The following CRB1 variants were observed in gnomAD, a reference collection of about 807,000 sequenced individuals.
CRB1 encodes protein crumbs homolog 1.
Under a neutral mutation model 120.0 loss-of-function variants are expected in CRB1, and 83 were observed. The ratio of observed to expected loss-of-function variants is 0.69; its 90% CI spans 0.58 to 0.83. CRB1 has a LOEUF of 0.83. Among genes scored for constraint, CRB1 ranks in the 40% least tolerant of loss-of-function variants. The probability of loss-of-function intolerance (pLI) is 0.00; values close to 1 mark genes in which losing one functional copy is unlikely to be tolerated. For synonymous variants in CRB1, 625 were observed against 612.5 expected (o/e 1.02, Z -0.30); for missense variants, 1,699 against 1,687.6 (o/e 1.01, Z -0.12).
the CRB1 span, among the ~76,000 whole-genome samples, chr1:197,231,439 G>A: frequency 6.6e-6 from 1 of 152,200 alleles, no homozygotes; most frequent in Admixed American, 6.5e-5. Flanking sequence ...CTGGATTCTG[G>A]GAGAGCTGGA....
intron 5 of CRB1, among the ~76,000 whole-genome samples, chr1:197,397,539 T>A (rs987036130): frequency 1.3e-5 from 2 of 152,196 alleles, no homozygotes; most frequent in Non-Finnish European, 2.9e-5. Flanking sequence ...TTACTCATAA[T>A]TTCGAAAACC....
chr1:197,444,204 ACAAAAG>A, intron 11 of CRB1: 2 of 152,364 alleles, frequency 1.3e-5, no homozygotes, highest in East Asian at 3.9e-4. Context: ...GTAATATACT[ACAAAAG>A]CAAAGAAAGT....
chr1:197,335,156 T>C (rs1329185060), intron 2 of CRB1, among the ~76,000 whole-genome samples: 1 of 152,098 alleles, frequency 6.6e-6, no homozygotes, highest in Non-Finnish European at 1.5e-5. Flanking sequence ...TTGCAATGTT[T>C]GAGGAGCAGC....
chr1:197,429,916 C>A (rs949889741), intron 8 of CRB1, among the ~76,000 whole-genome samples: 1 of 152,164 alleles, frequency 6.6e-6, no homozygotes, highest in Admixed American at 6.5e-5. Context: ...TTACTGGGAA[C>A]ACAGAATAAA....
chr1:197,347,234 G>A (rs988928414), intron 3 of CRB1, 106 bp from the exon 4 acceptor site: 110 of 986,554 alleles, frequency 1.1e-4, no homozygotes, highest in Middle Eastern at 2.2e-4. Flanking sequence ...GAGGTAGTAA[G>A]ATGATGCCAT....
intron 2 of CRB1, 145 bp from the exon 3 acceptor site, chr1:197,344,136 T>TA (rs1558067622): frequency 1.2e-5 from 10 of 824,994 alleles, no homozygotes; most frequent in Non-Finnish European, 2.0e-5. Flanking sequence ...CAAAAGTTAA[T>TA]ATCAATTACA....
At chr1:197,215,963 T>C in the CRB1 span, among the ~76,000 whole-genome samples, 1 of 152,222 alleles carries the variant, frequency 6.6e-6, no homozygotes, top group Non-Finnish European at 1.5e-5. Context: ...AATAGGAACA[T>C]TTATTTAGAT....
chr1:197,349,997 G>A (rs985576996), intron 4 of CRB1, among the ~76,000 whole-genome samples: 1 of 151,840 alleles, frequency 6.6e-6, no homozygotes, highest in African/African-American at 2.4e-5. Context: ...CTACTCGGGA[G>A]GCTGAGGCAG....
At chr1:197,215,383 T>G in the CRB1 span, among the ~76,000 whole-genome samples, 4 of 151,112 alleles carry the variant, frequency 2.6e-5, no homozygotes, top group East Asian at 7.8e-4. Flanking sequence ...GTTCAAGCAA[T>G]TATCCTGCCT....
upstream of CRB1, among the ~76,000 whole-genome samples, chr1:197,263,870 CT>C (rs927112693): frequency 3.3e-5 from 5 of 151,900 alleles, no homozygotes; most frequent in Non-Finnish European, 7.4e-5. Context: ...ATTTTAATGA[CT>C]TTTTTTATTT....
chr1:197,302,971 T>A (rs1446712612), intron 1 of CRB1, among the ~76,000 whole-genome samples: 1 of 152,192 alleles, frequency 6.6e-6, no homozygotes, highest in African/African-American at 2.4e-5. Flanking sequence ...ATTTCCTGAA[T>A]GTCTCATCTT....
rs748823018 is a variant in CRB1, at chr1:197,434,718, C to T, written c.2855C>T (p.Ala952Val). 6.2e-7 allele frequency: 1 copy of T among 1,613,070 alleles called. No homozygotes were observed. The highest frequency in any genetic ancestry group is 8.5e-7 in the Non-Finnish European group (1 of 1,179,330). Residue 952 changes from alanine (A) to valine (V), a missense_variant, in exon 9 of 12, where the codon GCT becomes GTT. Coordinates refer to ENST00000367400, the MANE Select transcript of CRB1 (RefSeq NM_201253.3). The part of the protein sequence containing the change: ...VLQGFECIAN[A>V]VFNGQSGQIL... ...CTTCTCTCATTAGGTATTGCAAATGCTGTTTTTAATGGACAAAGCGGTCAA... is the reference window on the plus strand; with the variant it reads ...CTTCTCTCATTAGGTATTGCAAATGTTGTTTTTAATGGACAAAGCGGTCAA...
chr1:197,337,745 C>T (rs1659236350), intron 2 of CRB1, among the ~76,000 whole-genome samples: 1 of 151,948 alleles, frequency 6.6e-6, no homozygotes, highest in Non-Finnish European at 1.5e-5. Context: ...ACTGTTAGAA[C>T]CCAACTCAGG....
At chr1:197,221,494 T>G in the CRB1 span, among the ~76,000 whole-genome samples, 1 of 152,218 alleles carries the variant, frequency 6.6e-6, no homozygotes, top group Non-Finnish European at 1.5e-5. Context: ...GTGTTTCAGT[T>G]CTTTCTGAAA....
intron 11 of CRB1, among the ~76,000 whole-genome samples, chr1:197,452,395 T>C (rs1293600831): frequency 6.6e-6 from 1 of 152,168 alleles, no homozygotes; most frequent in Non-Finnish European, 1.5e-5. Context: ...AAAAGTACTT[T>C]AAAGAAATAT....
At chr1:197,304,402 T>G in intron 1 of CRB1, 2 of 982,858 alleles carry the variant, frequency 2.0e-6, no homozygotes, top group Non-Finnish European at 2.4e-6. Context: ...CAGTGGCATG[T>G]GCTCAGGAAA....
the CRB1 span, among the ~76,000 whole-genome samples, chr1:197,216,625 G>A: frequency 4.6e-5 from 7 of 152,108 alleles, no homozygotes; most frequent in Admixed American, 1.3e-4. Context: ...TGATTCAAAA[G>A]GATATAGAGC....
At chr1:197,227,839 T>A in the CRB1 span, among the ~76,000 whole-genome samples, 1 of 152,200 alleles carries the variant, frequency 6.6e-6, no homozygotes, top group Non-Finnish European at 1.5e-5. Context: ...AACTTTTGCC[T>A]GGGCATCCAG....
At chr1:197,349,962 C>T (rs990539326) in intron 4 of CRB1, among the ~76,000 whole-genome samples, 3 of 151,408 alleles carry the variant, frequency 2.0e-5, no homozygotes, top group Non-Finnish European at 2.9e-5. Flanking sequence ...TAGCCGGGCG[C>T]GGTGGCGGGC....
Sources: gnomAD v4.1 joint callset for allele counts (sites outside exome capture counted in the v4.1 genomes callset) on GRCh38, gnomAD v4.1.1 for gene constraint, MANE v1.5 for transcripts, NCBI Gene and HGNC (gene_info 2026-07-23, HGNC 2026-07-21) for gene names.